Variants in LHX3 observed in about 807,000 individuals in gnomAD.
LHX3 encodes LIM homeobox 3, also known as LIM/homeobox protein Lhx3.
In LHX3, 21 loss-of-function variants were observed where a neutral mutation model predicts 32.4. That is an observed-to-expected ratio of 0.65 (90% CI 0.46 to 0.93). LHX3 has a LOEUF of 0.93. Ranked by LOEUF, LHX3 falls within the 40% of genes least tolerant of loss-of-function variation. The pLI is 0.00. For missense variants in LHX3, 626 were observed against 560.0 expected (o/e 1.12, Z -1.19); for synonymous variants, 258 against 246.8 (o/e 1.05, Z -0.43).
At chr9:136,201,277 C>T in intron 1 of LHX3, 1 of 1,272,360 alleles carries the variant, frequency 7.9e-7, no homozygotes, top group Non-Finnish European at 9.9e-7. Context: ...CTGCAGGCCT[C>T]CGGGGTAAAT....
At chr9:136,202,884 G>A in intron 1 of LHX3, 1 of 1,506,956 alleles carries the variant, frequency 6.6e-7, no homozygotes, top group Admixed American at 2.0e-5. Context: ...CCGCGGCCAG[G>A]CCCGGAAAGG....
intron 1 of LHX3, chr9:136,203,217 G>T (rs927332750): frequency 5.6e-6 from 5 of 890,778 alleles, no homozygotes; most frequent in Non-Finnish European, 6.8e-6. Context: ...AGCGGCCGGG[G>T]GGCGGGGCCG....
chr9:136,201,431 C>T, intron 1 of LHX3: 4 of 1,227,514 alleles, frequency 3.3e-6, no homozygotes, highest in Non-Finnish European at 3.0e-6. Flanking sequence ...TGCTTCTGCC[C>T]CCCACACCCC....
At chr9:136,202,855 C>G (rs1831677735) in intron 1 of LHX3, 1 of 1,429,638 alleles carries the variant, frequency 7.0e-7, no homozygotes. Flanking sequence ...CGCCCAGATC[C>G]TCTAGCTCCT....
rs756558732 is a variant in LHX3, at chr9:136,197,563, G to C, written c.956C>G (p.Pro319Arg). 3 of 1,530,812 alleles carry C rather than the reference G, an allele frequency of 2.0e-6. No individual in the cohort carries two copies. Among genetic ancestry groups the C allele is most frequent in the Admixed American group, 2.0e-5 (1 of 50,368 alleles). 94.8% of individuals were successfully genotyped at this position (1,530,812 alleles called of 1,614,324 possible). Residue 319 changes from proline (P) to arginine (R), a missense_variant, in exon 6 of 6, where the codon CCA (proline) becomes CGA (arginine). Transcript: ENST00000371748. Reference protein sequence around the residue: ...LRPGSPYGVPPSPAAPQSLPG... With the variant: ...LRPGSPYGVPRSPAAPQSLPG... ...GAGGCTCTGCGGGGCGGCGGGGGAT[G>C]GGGGGACACCGTAGGGGCTGCCGGG...
rs116734941 is a variant in LHX3, at chr9:136,199,509, C to T, written c.454+169G>A. On this transcript the variant is annotated intron_variant, in intron 3 of 5. Coordinates refer to ENST00000371748, the MANE Select transcript of LHX3 (RefSeq NM_178138.6). ...AAGCGGTTCGGGACGCGGGTCTGTC[C>T]GTGACTCCGCCGTTCCCGGCCTCGG... Among the ~76,000 whole-genome samples, 12 of 152,384 alleles carry T rather than the reference C, an allele frequency of 7.9e-5. No homozygotes were observed. The East Asian group carries it at 1.5e-3, about 20-fold the overall frequency.
At chr9:136,198,613 C>G (rs776778864) in intron 5 of LHX3, 39 bp downstream of exon 5, 2 of 1,527,636 alleles carry the variant, frequency 1.3e-6, no homozygotes, top group South Asian at 2.4e-5. Flanking sequence ...CGCCGACGCG[C>G]GCTCGTCCCC....
chr9:136,199,872 C>G lies in LHX3; in HGVS notation c.260G>C (p.Gly87Ala). 1.3e-6 allele frequency: 2 copies of G among 1,592,426 alleles called. No homozygotes were observed. Among genetic ancestry groups the G allele is most frequent in the Non-Finnish European group, 1.7e-6 (2 of 1,170,020 alleles). ...CAGCTGGCACGCGGCGCACTTGGTC[C>G]CGAAGCGCCTGCGGGACGCACAGGG... The part of the protein sequence containing the change: ...YCKDDFFKRF[G>A]TKCAACQLGI... The change falls in exon 3 of 6, where the codon GGG becomes GCG. Residue 87 changes from glycine to alanine, a missense_variant. Transcript: ENST00000371748.
intron 1 of LHX3, chr9:136,202,935 C>CG: frequency 6.5e-7 from 1 of 1,532,176 alleles, no homozygotes; most frequent in African/African-American, 1.4e-5. Context: ...CCACTCGGCC[C>CG]GGGCACCCAC....
chr9:136,199,077 G>A lies in LHX3; in HGVS notation c.455-18C>T, dbSNP rs1831572018. On this transcript the variant is annotated intron_variant, in intron 3 of 5. Transcript: ENST00000371748. ...CTCGGCCTCTGCGCGGCGGGCGAGC[G>A]GTGAGGCGCGGCAGCCCCTCCGGCC... is the stretch of plus-strand genomic sequence containing the variant. 2 of 1,452,868 alleles carry A rather than the reference G, an allele frequency of 1.4e-6. No homozygotes were observed. Among genetic ancestry groups the A allele is most frequent in the Non-Finnish European group, 1.8e-6 (2 of 1,100,190 alleles). The allele number at this position is 1,452,868 out of a possible 1,614,324, so 90.0% of individuals were successfully genotyped here. A position where few individuals can be genotyped will look rare whatever the true frequency, so the allele number is the denominator to read the frequency against.
intron 2 of LHX3, 57 bp downstream of exon 2, chr9:136,200,525 G>C (rs1831613771): frequency 6.4e-7 from 1 of 1,562,900 alleles, no homozygotes; most frequent in African/African-American, 1.4e-5. Context: ...GAGGGGAGGA[G>C]TCCCTGGGGC....
rs1360420707 is a variant in LHX3 at position 136,196,760 on chromosome 9, G to A, written c.*565C>T. On this transcript the variant is annotated 3_prime_UTR_variant, in exon 6 of 6. Transcript: ENST00000371748. ...GCTTCTCCCGGGGAAGGTGGGGCTG[G>A]AGGCAGAGAGGCCCCCTGTGGTCTG... The A allele has an allele frequency of 6.5e-6, 1 of 154,580 alleles. No individual in the cohort carries two copies. The highest frequency in any genetic ancestry group is 1.4e-5 in the Non-Finnish European group (1 of 69,698). The allele number at this position is 154,580 out of a possible 1,614,324, so 9.6% of individuals were successfully genotyped here. A position where few individuals can be genotyped will look rare whatever the true frequency, so the allele number is the denominator to read the frequency against.
chr9:136,202,326 C>A (rs560305419), intron 1 of LHX3, among the ~76,000 whole-genome samples: 59 of 152,196 alleles, frequency 3.9e-4, no homozygotes, highest in African/African-American at 1.4e-3. Context: ...GCGGCTCCAG[C>A]TGGCCCGGGA....
In LHX3 at chr9:136,198,768, C is replaced by T. The variant is rs1369982034; in HGVS notation, c.659G>A (p.Gly220Asp). 1 of 1,611,162 alleles carries T rather than the reference C, an allele frequency of 6.2e-7. No homozygotes were observed. Among genetic ancestry groups the T allele is most frequent in the Non-Finnish European group, 8.5e-7 (1 of 1,179,772 alleles). Reference sequence around the variant, plus strand: ...GAAATACTGCCCCCAGCGCTGCCGGCCGGCGTCCTTCTTCAGCCTCTTCTC... The same window carrying T: ...GAAATACTGCCCCCAGCGCTGCCGGTCGGCGTCCTTCTTCAGCCTCTTCTC... ...AKEKRLKKDA[G>D]RQRWGQYFRN... The change falls in exon 5 of 6, where the codon GGC (glycine) becomes GAC (aspartate). Residue 220 changes from glycine to aspartate, a missense_variant. Physicochemically the swap from Gly to Asp is moderately conservative, Grantham distance 94 (BLOSUM62 -1). Coordinates refer to ENST00000371748, the MANE Select transcript of LHX3 (RefSeq NM_178138.6).
chr9:136,199,774 C>T lies in LHX3; in HGVS notation c.358G>A (p.Val120Met), dbSNP rs749158408. 1.9e-6 allele frequency: 3 copies of T among 1,612,902 alleles called. No homozygotes were observed. Among genetic ancestry groups the T allele is most frequent in the Admixed American group, 1.7e-5 (1 of 60,024 alleles). The change falls in exon 3 of 6, where the codon GTG becomes ATG. Residue 120 changes from valine to methionine, a missense_variant. Physicochemically the swap from Val to Met is conservative, Grantham distance 21. Coordinates refer to ENST00000371748, the MANE Select transcript of LHX3 (RefSeq NM_178138.6). The part of the protein sequence containing the change: ...VYHLHCFACV[V>M]CKRQLATGDE... ...CCCGTGGCCAGCTGCCGCTTGCACA[C>T]GACGCAGGCAAAGCAGTGCAGGTGG...
chr9:136,198,805 G>A lies in LHX3; in HGVS notation c.622C>T (p.Arg208Cys), dbSNP rs1280467564. 6.2e-7 allele frequency: 1 copy of A among 1,608,924 alleles called. No homozygotes were observed. Among genetic ancestry groups the A allele is most frequent in the Non-Finnish European group, 8.5e-7 (1 of 1,179,016 alleles). ...MRVVQVWFQN[R>C]RAKEKRLKKD... ...TTCAGCCTCTTCTCCTTGGCCCGGC[G>A]GTTCTGGAACCAAACCTGGGGGCGG... Residue 208 changes from arginine to cysteine, a missense_variant, in exon 5 of 6, where the codon CGC becomes TGC. By Grantham distance (180) the Arg-to-Cys change is radical. Coordinates refer to ENST00000371748, the MANE Select transcript of LHX3 (RefSeq NM_178138.6).
At position 136,197,562 on chromosome 9, in the gene LHX3, TG is replaced by T. The variant is rs1588624067; in HGVS notation, c.956del (p.Pro319HisfsTer40). The T allele has an allele frequency of 3.4e-6, 5 of 1,470,768 alleles. No individual in the cohort carries two copies. Among genetic ancestry groups the T allele is most frequent in the East Asian group, 2.5e-5 (1 of 39,916 alleles). The allele number at this position is 1,470,768 out of a possible 1,614,324, so 91.1% of individuals were successfully genotyped here. On this transcript the variant is annotated frameshift_variant, in exon 6 of 6. Coordinates refer to ENST00000371748, the MANE Select transcript of LHX3 (RefSeq NM_178138.6). LOFTEE classifies it low-confidence loss of function (END_TRUNC). ...GGAGGCTCTGCGGGGCGGCGGGGGATGGGGGGACACCGTAGGGGCTGCCGGG... is the reference window on the plus strand; with the variant it reads ...GGAGGCTCTGCGGGGCGGCGGGGGATGGGGGACACCGTAGGGGCTGCCGGG... ...LRPGSPYGVP[P>X]SPAAPQSLPG...
chr9:136,199,114 C>T, intron 3 of LHX3, 55 bp from the exon 4 acceptor site: 3 of 1,089,122 alleles, frequency 2.8e-6, no homozygotes, highest in Non-Finnish European at 3.6e-6. Context: ...CGGCCGGACC[C>T]CCAGCCCTCC....
chr9:136,197,638 GAGA>G lies in LHX3; in HGVS notation c.878_880del (p.Phe293del). The G allele has an allele frequency of 1.3e-6, 2 of 1,588,926 alleles. No homozygotes were observed. The stretch of plus-strand genomic sequence containing the variant: ...GCCTGCCAGGCCTCCATGCTCCAGG[GAGA>G]AGTTGCCCAGGGCTCCCGAGGGCCG... On this transcript the variant is annotated inframe_deletion, in exon 6 of 6. Coordinates refer to ENST00000371748, the MANE Select transcript of LHX3 (RefSeq NM_178138.6).
Sources: gnomAD v4.1 joint callset for allele counts (sites outside exome capture counted in the v4.1 genomes callset) on GRCh38, gnomAD v4.1.1 for gene constraint, MANE v1.5 for transcripts, NCBI Gene and HGNC (gene_info 2026-07-23, HGNC 2026-07-21) for gene names.